Variants in CAB39L observed in about 807,000 individuals in gnomAD.
CAB39L encodes the protein calcium binding protein 39 like, also known as calcium-binding protein 39-like.
A neutral mutation model predicts 39.1 loss-of-function variants in CAB39L; 23 were observed. That is an observed-to-expected ratio of 0.59 (90% confidence interval 0.42 to 0.83). CAB39L has a LOEUF of 0.83. Among genes scored for constraint, CAB39L ranks in the 40% least tolerant of loss-of-function variants. The pLI, the probability that CAB39L is intolerant of heterozygous loss-of-function variation, is 0.00. For synonymous variants in CAB39L, 126 were observed against 137.2 expected, an observed-to-expected ratio of 0.92 and a Z score of 0.57; for missense variants, 366 against 391.9, an observed-to-expected ratio of 0.93 and a Z score of 0.56.
chr13:49,441,541 T>C (rs965593492), intron 1 of CAB39L, among the ~76,000 whole-genome samples: 1 of 152,110 alleles, frequency 6.6e-6, no homozygotes, highest in Non-Finnish European at 1.5e-5. Context: ...TATTCCAGCC[T>C]GGGCAACATA....
Position 49,379,844 on chromosome 13 carries a change from CT to C in CAB39L, c.112-2714del, listed in dbSNP as rs199610486. ...ACTTAGTCAACATACACTAAATAAT[CT>C]TTTTTTTTTTTTTTTAGATGGAGTC... On this transcript the variant is annotated intron_variant, in intron 4 of 10. Coordinates refer to ENST00000409308, the MANE Select transcript of CAB39L (RefSeq NM_001079670.3). 7.4e-3 allele frequency among the ~76,000 whole-genome samples: 1,029 copies of C among 139,288 alleles called. 3 individuals carry two copies. Among genetic ancestry groups the C allele is most frequent in the African/African-American group, 0.012 (465 of 38,202 alleles). 91.4% of individuals were successfully genotyped at this position (139,288 alleles called of 152,430 possible).
intron 3 of CAB39L, among the ~76,000 whole-genome samples, chr13:49,430,838 C>T (rs1016012693): frequency 2.0e-5 from 3 of 152,178 alleles, no homozygotes; most frequent in East Asian, 1.9e-4. Flanking sequence ...CCTGTTAATA[C>T]CGCAAGTGTC....
intron 5 of CAB39L, among the ~76,000 whole-genome samples, chr13:49,360,911 C>G (rs1955612292): frequency 6.6e-6 from 1 of 152,172 alleles, no homozygotes; most frequent in East Asian, 1.9e-4. Context: ...AACTGTGACT[C>G]AATTAAACCC....
chr13:49,350,715 A>T (rs1350202916), intron 7 of CAB39L, 29 bp downstream of exon 7: 1 of 1,496,472 alleles, frequency 6.7e-7, no homozygotes. Context: ...CTATAAATTG[A>T]CCTAGCTGAG....
chr13:49,442,149 T>C (rs898002084), intron 1 of CAB39L, among the ~76,000 whole-genome samples: 23 of 152,238 alleles, frequency 1.5e-4, no homozygotes, highest in African/African-American at 5.3e-4. Context: ...GACTATTCTA[T>C]ACTTCTTTCA....
intron 5 of CAB39L, among the ~76,000 whole-genome samples, chr13:49,371,189 C>CCTTTTTTTTTTTTTTTTTTTTT (rs1555258807): frequency 9.8e-6 from 1 of 102,242 alleles, no homozygotes; most frequent in African/African-American, 3.9e-5. Context: ...CTTTTTCTTT[C>CCTTTTTTTTTTTTTTTTTTTTT]TTTTTTTTTT....
intron 7 of CAB39L, 52 bp downstream of exon 7, chr13:49,350,691 CA>C: frequency 7.4e-7 from 1 of 1,347,544 alleles, no homozygotes; most frequent in East Asian, 2.5e-5. Context: ...ATTGCCTCTT[CA>C]GGGGCCAAGT....
chr13:49,374,350 T>C (rs1420875295), intron 5 of CAB39L, among the ~76,000 whole-genome samples: 1 of 152,214 alleles, frequency 6.6e-6, no homozygotes, highest in African/African-American at 2.4e-5. Context: ...AAAATTAAAG[T>C]AATCCACAAG....
rs374853001 is a variant in CAB39L at position 49,381,679 on chromosome 13, A to G, written c.111+1121T>C. On this transcript the variant is annotated intron_variant, in intron 4 of 10. Transcript: ENST00000409308. ...TTAAGAAATGCATCTATACTGTTGC[A>G]TGTAGGCAGAAGTTCTTTAATTTTT... Among the ~76,000 whole-genome samples, 9 of 152,338 alleles carry G rather than the reference A, an allele frequency of 5.9e-5. No homozygotes were observed. In the East Asian group the frequency reaches 9.6e-4, roughly 16 times the overall value.
At chr13:49,338,667 A>G (rs549513343) in intron 9 of CAB39L, among the ~76,000 whole-genome samples, 2 of 152,298 alleles carry the variant, frequency 1.3e-5, no homozygotes, top group African/African-American at 4.8e-5. Flanking sequence ...AAGAAAAAAA[A>G]ACTGTAAAAA....
At chr13:49,314,195 G>A (rs567442442) in intron 10 of CAB39L, among the ~76,000 whole-genome samples, 14 of 152,292 alleles carry the variant, frequency 9.2e-5, no homozygotes, top group Non-Finnish European at 1.8e-4. Flanking sequence ...GTAAGGGAAC[G>A]TGGGAGCTAA....
intron 10 of CAB39L, among the ~76,000 whole-genome samples, chr13:49,313,331 A>C (rs1954052419): frequency 6.6e-6 from 1 of 152,128 alleles, no homozygotes; most frequent in Non-Finnish European, 1.5e-5. Context: ...AATACAAAAA[A>C]TTAGCCAGGC....
intron 10 of CAB39L, among the ~76,000 whole-genome samples, chr13:49,315,329 T>C (rs908222059): frequency 5.9e-5 from 9 of 151,980 alleles, no homozygotes; most frequent in African/African-American, 1.9e-4. Flanking sequence ...AGGGGACCCA[T>C]AACAGAGAAG....
At chr13:49,381,451 G>A (rs781690174) in intron 4 of CAB39L, among the ~76,000 whole-genome samples, 10 of 152,082 alleles carry the variant, frequency 6.6e-5, no homozygotes, top group Non-Finnish European at 1.5e-4. Flanking sequence ...CAGCACCCAG[G>A]AGTCACCTGA....
intron 3 of CAB39L, among the ~76,000 whole-genome samples, chr13:49,399,945 T>G (rs1053446209): frequency 6.6e-6 from 1 of 151,966 alleles, no homozygotes; most frequent in Non-Finnish European, 1.5e-5. Flanking sequence ...CTGCTTCTTA[T>G]ACATAGGTCA....
chr13:49,411,111 A>G (rs1454975452), intron 3 of CAB39L, among the ~76,000 whole-genome samples: 2 of 152,094 alleles, frequency 1.3e-5, no homozygotes, highest in Non-Finnish European at 1.5e-5. Context: ...ATGCTTCTCT[A>G]TTGTTTTAAA....
At chr13:49,377,506 A>G (rs1956107668) in intron 4 of CAB39L, among the ~76,000 whole-genome samples, 1 of 86,494 alleles carries the variant, frequency 1.2e-5, no homozygotes, top group South Asian at 4.6e-4. Context: ...TCCCTGCCTG[A>G]TTCTCCTGCC....
chr13:49,317,594 C>T (rs1350613732), intron 10 of CAB39L, among the ~76,000 whole-genome samples: 5 of 151,936 alleles, frequency 3.3e-5, no homozygotes, highest in African/African-American at 1.2e-4. Flanking sequence ...ATGCAAAAGA[C>T]GAAGCTGAGC....
chr13:49,331,849 C>G, intron 10 of CAB39L, 98 bp downstream of exon 10: 1 of 1,128,896 alleles, frequency 8.9e-7, no homozygotes, highest in Non-Finnish European at 1.3e-6. Flanking sequence ...ATTTCATTTT[C>G]TTTCAAGTAT....
Sources: gnomAD v4.1 joint callset for allele counts (sites outside exome capture counted in the v4.1 genomes callset) on GRCh38, gnomAD v4.1.1 for gene constraint, MANE v1.5 for transcripts, NCBI Gene and HGNC (gene_info 2026-07-23, HGNC 2026-07-21) for gene names.